LRCH3: variants seen among roughly 807,000 people sequenced by gnomAD.
The protein encoded by LRCH3 is leucine rich repeats and calponin homology domain containing 3, also known as DISP complex protein LRCH3.
A neutral mutation model predicts 104.5 loss-of-function variants in LRCH3; 68 were observed. The observed-to-expected ratio is 0.65, with a 90% CI of 0.54 to 0.80. LRCH3 has a LOEUF of 0.80. Ranked by LOEUF, LRCH3 falls within the 30% of genes least tolerant of loss-of-function variation. The pLI is 0.00. For missense variants in LRCH3, 951 were observed against 953.9 expected, an observed-to-expected ratio of 1.00 and a Z score of 0.04; for synonymous variants, 344 against 361.3, an observed-to-expected ratio of 0.95 and a Z score of 0.54.
chr3:197,805,273 A>G, intron 1 of LRCH3, among the ~76,000 whole-genome samples: 1 of 152,214 alleles, frequency 6.6e-6, no homozygotes, highest in East Asian at 1.9e-4. Context: ...GACATGTTGG[A>G]CTATCCTTGA....
chr3:197,813,510 A>ATTTCT (rs1560532143), intron 1 of LRCH3, among the ~76,000 whole-genome samples: 1 of 66,032 alleles, frequency 1.5e-5, no homozygotes. Context: ...GAGGCATATA[A>ATTTCT]TTTTTTTTTT....
chr3:197,818,980 G>A (rs1734161772), intron 3 of LRCH3, among the ~76,000 whole-genome samples: 2 of 151,966 alleles, frequency 1.3e-5, no homozygotes, highest in Non-Finnish European at 2.9e-5. Context: ...ACAAAAATTA[G>A]CCAGGCGTGG....
At position 197,870,066 on chromosome 3, in the gene LRCH3, A is replaced by G. The variant is rs1041821995; in HGVS notation, c.1874-94A>G. On this transcript the variant is annotated intron_variant, in intron 17 of 20. Transcript: ENST00000425562. ...ACCTGCAGGAGGTAGAAAGCCATGC[A>G]CTGCACTTGCAGGGAAACTGTGATG... 27 of 1,299,124 alleles carry G rather than the reference A, an allele frequency of 2.1e-5. No homozygotes were observed. The African/African-American group carries it at 3.8e-4, about 18-fold the overall frequency. 80.5% of individuals were successfully genotyped at this position (1,299,124 alleles called of 1,614,324 possible).
chr3:197,803,717 G>A (rs934796766), intron 1 of LRCH3, among the ~76,000 whole-genome samples: 2 of 152,060 alleles, frequency 1.3e-5, no homozygotes, highest in African/African-American at 4.8e-5. Context: ...GAGGATAGTG[G>A]TTTTTCACAT....
chr3:197,805,879 C>CA (rs1172290028), intron 1 of LRCH3, among the ~76,000 whole-genome samples: 1 of 152,094 alleles, frequency 6.6e-6, no homozygotes, highest in Non-Finnish European at 1.5e-5. Context: ...GGGAAGTGTA[C>CA]ATACAGAGTT....
intron 20 of LRCH3, chr3:197,881,771 C>A (rs762869322): frequency 8.1e-6 from 8 of 985,368 alleles, no homozygotes; most frequent in Non-Finnish European, 9.6e-6. Context: ...AGGATGAACT[C>A]AAGTGTGAAG....
At chr3:197,807,849 G>A (rs1732680643) in intron 1 of LRCH3, among the ~76,000 whole-genome samples, 2 of 152,066 alleles carry the variant, frequency 1.3e-5, no homozygotes, top group Admixed American at 1.3e-4. Context: ...TTTGAGTGAC[G>A]TATAGAAACC....
intron 1 of LRCH3, among the ~76,000 whole-genome samples, chr3:197,792,446 TTCA>T (rs981238459): frequency 4.7e-5 from 7 of 149,414 alleles, no homozygotes; most frequent in African/African-American, 1.2e-4. Context: ...GCCCGAGTTG[TTCA>T]TCATCATGTT....
rs549209880 is a variant in LRCH3 at position 197,869,581 on chromosome 3, G to C, written c.1874-579G>C. Among the ~76,000 whole-genome samples the C allele has an allele frequency of 2.2e-3, 300 of 135,606 alleles. 1 individual carries two copies. The highest frequency in any genetic ancestry group is 1.8e-3 in the Non-Finnish European group (117 of 63,488). 89.0% of individuals were successfully genotyped at this position (135,606 alleles called of 152,430 possible). On this transcript the variant is annotated intron_variant, in intron 17 of 20. Transcript: ENST00000425562. ...ACTGTACCTGCAGGAGGTAGAAAGC[G>C]ATGCACTGTACCTGCAGGAAGTAGA... is the stretch of plus-strand genomic sequence containing the variant.
At chr3:197,793,113 A>C (rs527961026) in intron 1 of LRCH3, among the ~76,000 whole-genome samples, 1 of 152,302 alleles carries the variant, frequency 6.6e-6, no homozygotes, top group Non-Finnish European at 1.5e-5. Context: ...ATTTTATTTT[A>C]AAATCTTAGA....
At chr3:197,815,446 C>T (rs1168270402) in intron 2 of LRCH3, among the ~76,000 whole-genome samples, 1 of 152,160 alleles carries the variant, frequency 6.6e-6, no homozygotes, top group East Asian at 1.9e-4. Context: ...ATAGCTGATA[C>T]AATTTACTAG....
At position 197,829,612 on chromosome 3, in the gene LRCH3, G is replaced by A. The variant is rs780921519; in HGVS notation, c.826G>A (p.Ala276Thr). 4 of 1,613,306 alleles carry A rather than the reference G, an allele frequency of 2.5e-6. No homozygotes were observed. In the South Asian group the frequency reaches 3.3e-5, roughly 13 times the overall value. ...CATATTTAAATACCTGAACATACAA[G>A]CTTGTAAGATTGCTCCAGATCTGCC... The part of the protein sequence containing the change: ...VHIFKYLNIQ[A>T]CKIAPDLPDY... The change falls in exon 6 of 21, where the codon GCT becomes ACT. Residue 276 changes from alanine to threonine, a missense_variant. Transcript: ENST00000425562.
intron 9 of LRCH3, among the ~76,000 whole-genome samples, chr3:197,837,968 G>A (rs989400333): frequency 3.3e-5 from 5 of 152,044 alleles, no homozygotes; most frequent in Non-Finnish European, 5.9e-5. Context: ...GCTGAGGCAC[G>A]AGAGTCACTT....
intron 20 of LRCH3, chr3:197,881,306 G>C: frequency 1.0e-6 from 1 of 988,612 alleles, no homozygotes; most frequent in Non-Finnish European, 1.2e-6. Context: ...AAAGGTATTG[G>C]CCATAATTTT....
At chr3:197,832,726 G>C (rs1482800467) in intron 8 of LRCH3, among the ~76,000 whole-genome samples, 2 of 148,632 alleles carry the variant, frequency 1.3e-5, no homozygotes, top group East Asian at 3.9e-4. Context: ...TCTTCACCTG[G>C]AATTGTCAGA....
intron 20 of LRCH3, among the ~76,000 whole-genome samples, chr3:197,879,447 C>G (rs1167578556): frequency 2.0e-5 from 3 of 151,210 alleles, no homozygotes; most frequent in African/African-American, 7.4e-5. Context: ...GAGATCGAGA[C>G]CATCCTGGCT....
intron 1 of LRCH3, among the ~76,000 whole-genome samples, chr3:197,800,575 A>C (rs1042628915): frequency 2.0e-5 from 3 of 152,200 alleles, no homozygotes; most frequent in African/African-American, 7.2e-5. Flanking sequence ...GGGAGTGTGA[A>C]TTGGTGCCTC....
chr3:197,879,458 A>C (rs1291254890), intron 20 of LRCH3, among the ~76,000 whole-genome samples: 3 of 151,082 alleles, frequency 2.0e-5, no homozygotes, highest in Admixed American at 6.6e-5. Flanking sequence ...CATCCTGGCT[A>C]ACATGGTGAA....
chr3:197,820,171 C>G (rs991691654), intron 3 of LRCH3, among the ~76,000 whole-genome samples, 154 bp from the exon 4 acceptor site: 2 of 152,182 alleles, frequency 1.3e-5, no homozygotes, highest in Admixed American at 6.5e-5. Flanking sequence ...TATTAATCTT[C>G]GAACCTGTAG....
Sources: gnomAD v4.1 joint callset for allele counts (sites outside exome capture counted in the v4.1 genomes callset) on GRCh38, gnomAD v4.1.1 for gene constraint, MANE v1.5 for transcripts, NCBI Gene and HGNC (gene_info 2026-07-23, HGNC 2026-07-21) for gene names.